Variants in FAM178B observed in about 807,000 individuals in gnomAD.
The protein encoded by FAM178B is protein FAM178B.
FAM178B carries 82 observed loss-of-function variants against 91.7 expected under a neutral mutation model. The ratio of observed to expected loss-of-function variants is 0.89; its 90% CI spans 0.75 to 1.07. FAM178B has a LOEUF of 1.07. Ranked by LOEUF, FAM178B falls within the 50% of genes least tolerant of loss-of-function variation. The pLI is 0.00. For missense variants in FAM178B, 769 were observed against 846.7 expected (o/e 0.91, Z 1.14); for synonymous variants, 368 against 359.4 (o/e 1.02, Z -0.27).
chr2:96,879,278 C>CT (rs2080321015), intron 14 of FAM178B, among the ~76,000 whole-genome samples: 1 of 152,180 alleles, frequency 6.6e-6, no homozygotes, highest in Admixed American at 6.5e-5. Context: ...CTCTTCATGT[C>CT]TAGGATCAGG....
At chr2:96,922,505 G>A (rs187467760) in intron 10 of FAM178B, among the ~76,000 whole-genome samples, 21 of 152,168 alleles carry the variant, frequency 1.4e-4, no homozygotes, top group East Asian at 5.8e-4. Context: ...ACGCGCCACC[G>A]CGCCCGACTA....
chr2:96,899,576 A>C (rs1486365936), intron 13 of FAM178B, among the ~76,000 whole-genome samples: 5 of 147,702 alleles, frequency 3.4e-5, no homozygotes, highest in Admixed American at 2.0e-4. Flanking sequence ...AAAAAAAAAG[A>C]AAAAAAAAAG....
chr2:96,975,489 T>C (rs2082277264), intron 1 of FAM178B, among the ~76,000 whole-genome samples: 1 of 152,226 alleles, frequency 6.6e-6, no homozygotes, highest in Non-Finnish European at 1.5e-5. Context: ...ATTTAACACA[T>C]GCCTATAATT....
intron 1 of FAM178B, among the ~76,000 whole-genome samples, chr2:96,974,837 C>A (rs945012130): frequency 5.9e-5 from 9 of 152,030 alleles, no homozygotes; most frequent in Admixed American, 3.9e-4. Context: ...CACCTGTAAT[C>A]CCAGCACTTT....
intron 13 of FAM178B, among the ~76,000 whole-genome samples, chr2:96,898,750 G>T (rs1371679535): frequency 6.6e-6 from 1 of 152,238 alleles, no homozygotes; most frequent in Admixed American, 6.5e-5. Context: ...AGGGCCTTGG[G>T]CTGCTAGGAG....
Position 96,972,183 on chromosome 2 carries a change from T to C in FAM178B, c.282A>G (p.Pro94=), listed in dbSNP as rs2082230458. Residue 94 remains proline (P), a synonymous_variant, in exon 3 of 17, where the codon CCA becomes CCG. Coordinates refer to ENST00000490605, the MANE Select transcript of FAM178B (RefSeq NM_001122646.3). ...SPASAPAPTS[P]KKPKIQAPGE... is the part of the protein sequence containing the mutation. ...CAGGTGCCTGTATCTTGGGCTTCTT[T>C]GGCGATGTGGGAGCTGGAGCCGAGG... 1.3e-6 allele frequency: 2 copies of C among 1,546,888 alleles called. No homozygotes were observed. The highest frequency in any genetic ancestry group is 1.7e-6 in the Non-Finnish European group (2 of 1,145,076).
intron 5 of FAM178B, among the ~76,000 whole-genome samples, chr2:96,966,596 G>C (rs912497213): frequency 6.6e-5 from 10 of 152,190 alleles, no homozygotes; most frequent in Admixed American, 5.9e-4. Flanking sequence ...ATGTCTGCTG[G>C]GTGAGTGGAT....
chr2:96,925,105 A>C (rs1225239993), intron 9 of FAM178B, among the ~76,000 whole-genome samples: 3 of 152,148 alleles, frequency 2.0e-5, no homozygotes, highest in Non-Finnish European at 4.4e-5. Context: ...CTGCGCCAGT[A>C]CGTGAGGGGA....
At chr2:96,925,867 G>A (rs2081428988) in intron 9 of FAM178B, among the ~76,000 whole-genome samples, 1 of 152,216 alleles carries the variant, frequency 6.6e-6, no homozygotes, top group Non-Finnish European at 1.5e-5. Flanking sequence ...AAGATGGCAG[G>A]TACAGTGTAT....
chr2:96,922,500 C>T lies in FAM178B; in HGVS notation c.1288-846G>A, dbSNP rs533111605. On this transcript the variant is annotated intron_variant, in intron 10 of 16. Transcript: ENST00000490605. ...AAGTAGCTGGGATTACAGGCACGCG[C>T]CACCGCGCCCGACTAATTATTGTAT... Among the ~76,000 whole-genome samples, 110 of 152,182 alleles carry T rather than the reference C, an allele frequency of 7.2e-4. 2 individuals carry two copies. Among genetic ancestry groups the T allele is most frequent in the African/African-American group, 2.5e-3 (104 of 41,518 alleles).
At chr2:96,909,807 C>A (rs1378342878) in intron 12 of FAM178B, among the ~76,000 whole-genome samples, 3 of 152,196 alleles carry the variant, frequency 2.0e-5, no homozygotes, top group African/African-American at 7.2e-5. Flanking sequence ...CAGTTGTATT[C>A]ATGTCATCTG....
chr2:96,905,615 T>C (rs2081015829), intron 12 of FAM178B, among the ~76,000 whole-genome samples: 1 of 148,128 alleles, frequency 6.8e-6, no homozygotes, highest in Admixed American at 6.7e-5. Flanking sequence ...GGAGATAGGA[T>C]TGCTAGATTT....
At chr2:96,896,772 C>T (rs538267604) in intron 13 of FAM178B, among the ~76,000 whole-genome samples, 27 of 152,338 alleles carry the variant, frequency 1.8e-4, no homozygotes, top group Admixed American at 1.2e-3. Context: ...CCTGCCTGGG[C>T]CTTCTGACCA....
At chr2:96,903,331 G>A (rs950360441) in intron 12 of FAM178B, among the ~76,000 whole-genome samples, 13 of 152,204 alleles carry the variant, frequency 8.5e-5, no homozygotes, top group African/African-American at 1.7e-4. Flanking sequence ...GAGCCACCGC[G>A]CCCGGCTGAA....
chr2:96,977,512 T>C (rs2082307288), intron 1 of FAM178B, among the ~76,000 whole-genome samples: 1 of 150,568 alleles, frequency 6.6e-6, no homozygotes, highest in African/African-American at 2.4e-5. Flanking sequence ...TTAAACAAAC[T>C]TTTACTTAGG....
At chr2:96,937,810 G>T (rs2081658195) in intron 8 of FAM178B, among the ~76,000 whole-genome samples, 1 of 152,176 alleles carries the variant, frequency 6.6e-6, no homozygotes, top group African/African-American at 2.4e-5. Context: ...CAGATCGCTT[G>T]AGCCCAGGTG....
At chr2:96,895,993 G>A (rs534536110) in intron 13 of FAM178B, among the ~76,000 whole-genome samples, 9 of 152,218 alleles carry the variant, frequency 5.9e-5, no homozygotes, top group Non-Finnish European at 1.2e-4. Flanking sequence ...GGTTCTGGGC[G>A]AAGGGAGGCA....
intron 8 of FAM178B, among the ~76,000 whole-genome samples, chr2:96,934,964 G>C (rs2081600410): frequency 6.6e-6 from 1 of 152,110 alleles, no homozygotes; most frequent in South Asian, 2.1e-4. Flanking sequence ...AATGTGTACA[G>C]GGCAGGTGAT....
chr2:96,958,412 G>T lies in FAM178B; in HGVS notation c.887+1876C>A, dbSNP rs190784220. On this transcript the variant is annotated intron_variant, in intron 6 of 16. Transcript: ENST00000490605. ...ACATCTAAAGAAAATTGAAGGCCAG[G>T]CGCAGTGGCTCACATCTGTAATCCC... Among the ~76,000 whole-genome samples the T allele has an allele frequency of 4.6e-3, 706 of 152,144 alleles. 5 individuals are homozygous for T. The highest frequency in any genetic ancestry group is 8.3e-3 in the Non-Finnish European group (562 of 67,988).
Sources: gnomAD v4.1 joint callset for allele counts (sites outside exome capture counted in the v4.1 genomes callset) on GRCh38, gnomAD v4.1.1 for gene constraint, MANE v1.5 for transcripts, NCBI Gene and HGNC (gene_info 2026-07-23, HGNC 2026-07-21) for gene names.